The following VEGFB variants were observed in gnomAD, a reference collection of about 807,000 sequenced individuals.
VEGFB encodes the protein vascular endothelial growth factor B.
In VEGFB, 24 loss-of-function variants were observed where a neutral mutation model predicts 22.5. That is an observed-to-expected ratio of 1.07 (90% CI 0.77 to 1.50). VEGFB has a LOEUF of 1.50. VEGFB is among the 40% of genes most tolerant of loss of function. The pLI is 0.00. For missense variants in VEGFB, 327 were observed against 287.8 expected (o/e 1.14, Z -0.99); for synonymous variants, 141 against 117.4 (o/e 1.20, Z -1.30).
At chr11:64,236,622 C>T (rs1281149865) in intron 4 of VEGFB, among the ~76,000 whole-genome samples, 4 of 145,936 alleles carry the variant, frequency 2.7e-5, no homozygotes, top group African/African-American at 2.5e-5. Context: ...GAGGCTGAGG[C>T]AGGAGAATGG....
intron 5 of VEGFB, 59 bp downstream of exon 5, chr11:64,237,281 C>T (rs2030169117): frequency 6.5e-7 from 1 of 1,547,490 alleles, no homozygotes; most frequent in Non-Finnish European, 8.9e-7. Context: ...AGTCCAGAAG[C>T]TGTTGCTCCT....
chr11:64,236,786 T>C (rs1459755843), intron 4 of VEGFB, among the ~76,000 whole-genome samples: 2 of 129,258 alleles, frequency 1.5e-5, no homozygotes, highest in South Asian at 2.4e-4. Flanking sequence ...GGCAACAAAG[T>C]AGGATGCTTG....
At chr11:64,235,025 G>C (rs1947231812) in intron 1 of VEGFB, 132 bp downstream of exon 1, 1 of 730,488 alleles carries the variant, frequency 1.4e-6, no homozygotes, top group Non-Finnish European at 1.9e-6. Flanking sequence ...GCGTCTCGGG[G>C]GCCCGGCGCG....
Position 64,237,181 on chromosome 11 carries a change from TTTCAGACC to T in VEGFB, c.375-4_378del. The T allele has an allele frequency of 6.2e-7, 1 of 1,603,748 alleles. No homozygotes were observed. The highest frequency in any genetic ancestry group is 2.2e-5 in the East Asian group (1 of 44,584). Reference sequence around the variant, plus strand: ...TTTGTCTGTGTCTGTCTATCTTACTTTTCAGACCTAAAAAAAAGGACAGTGCTGTGAAG... The same window carrying T: ...TTTGTCTGTGTCTGTCTATCTTACTTTAAAAAAAAGGACAGTGCTGTGAAG... On this transcript the variant is annotated splice_acceptor_variant and splice_polypyrimidine_tract_variant and coding_sequence_variant and intron_variant, in exon 5 of 7. Coordinates refer to ENST00000309422, the MANE Select transcript of VEGFB (RefSeq NM_003377.5). LOFTEE classifies it high-confidence loss of function.
At chr11:64,237,776 G>T in intron 6 of VEGFB, 121 bp downstream of exon 6, 1 of 940,642 alleles carries the variant, frequency 1.1e-6, no homozygotes. Context: ...TGAATGTGTT[G>T]AACAAATATT....
At chr11:64,236,350 G>A (rs2030018976) in intron 4 of VEGFB, 23 bp downstream of exon 4, 1 of 1,611,908 alleles carries the variant, frequency 6.2e-7, no homozygotes, top group Non-Finnish European at 8.5e-7. Context: ...CCCAACTTCT[G>A]AGCTCGCAGA....
chr11:64,237,250 G>A, intron 5 of VEGFB, 28 bp downstream of exon 5: 2 of 1,600,516 alleles, frequency 1.2e-6, no homozygotes, highest in East Asian at 2.2e-5. Flanking sequence ...CAGCTGAGTA[G>A]GGGTATGGGG....
At position 64,236,039 on chromosome 11, in the gene VEGFB, G is replaced by T. The variant is rs749579977; in HGVS notation, c.300+30G>T. On this transcript the variant is annotated intron_variant, in intron 3 of 6. Transcript: ENST00000309422. Reference sequence around the variant, plus strand: ...TGGGCAGGTGGGGCAACGGGCAGGGGATGCAGGTACTGGGCAGGTGGGGCA... The same window carrying T: ...TGGGCAGGTGGGGCAACGGGCAGGGTATGCAGGTACTGGGCAGGTGGGGCA... The T allele has an allele frequency of 5.1e-6, 8 of 1,561,014 alleles. No homozygotes were observed. The East Asian group carries it at 1.7e-4, about 33-fold the overall frequency.
At chr11:64,235,405 G>A in intron 1 of VEGFB, 53 bp from the exon 2 acceptor site, 3 of 1,569,982 alleles carry the variant, frequency 1.9e-6, no homozygotes, top group African/African-American at 1.4e-5. Flanking sequence ...GACGGTGACA[G>A]GGCCACACCC....
intron 4 of VEGFB, 48 bp downstream of exon 4, chr11:64,236,375 G>C (rs1034413857): frequency 1.3e-6 from 2 of 1,581,326 alleles, no homozygotes; most frequent in East Asian, 2.2e-5. Context: ...AGGCTTGGGG[G>C]GTGCTGGGTA....
rs141977627 is a variant in VEGFB, at chr11:64,237,540, C to T, written c.531C>T (p.His177=). 5.3e-5 allele frequency: 86 copies of T among 1,609,080 alleles called. No individual in the cohort carries two copies. In the East Asian group the frequency reaches 9.4e-4, roughly 18 times the overall value. The change falls in exon 6 of 7, where the codon CAC becomes CAT. Residue 177 remains histidine (H), a synonymous_variant. Coordinates refer to ENST00000309422, the MANE Select transcript of VEGFB (RefSeq NM_003377.5). The part of the protein sequence containing the change: ...HPTPAPGPSA[H]AAPSTTSALT... ...CTCCAGCCCCAGGCCCCTCTGCCCA[C>T]GCTGCACCCAGCACCACCAGCGCCC...
At chr11:64,236,831 C>T (rs942720764) in intron 4 of VEGFB, among the ~76,000 whole-genome samples, 1 of 148,836 alleles carries the variant, frequency 6.7e-6, no homozygotes, top group East Asian at 2.0e-4. Flanking sequence ...ATAATCCCAG[C>T]ACTTTGGGAG....
rs2135011998 is a variant in VEGFB at position 64,234,608 on chromosome 11, C to T, written c.-226C>T. 1 of 145,684 alleles carries T rather than the reference C, an allele frequency of 6.9e-6. No individual in the cohort carries two copies. Among genetic ancestry groups the T allele is most frequent in the East Asian group, 2.0e-4 (1 of 4,962 alleles). The allele number at this position is 145,684 out of a possible 1,614,324, so 9.0% of individuals were successfully genotyped here. On this transcript the variant is annotated 5_prime_UTR_variant, in exon 1 of 7. Coordinates refer to ENST00000309422, the MANE Select transcript of VEGFB (RefSeq NM_003377.5). This position sits in a 1 kb window ranked among gnomAD's most constrained non-coding sequence, Gnocchi z 5.3. ...CGCCGTCCCCGCCGCCGCTGCCCGC[C>T]GCCACCGGCCGCCCGCCCGCCCGGC...
Position 64,237,515 on chromosome 11 carries a change from C to G in VEGFB, c.506C>G (p.Thr169Ser), listed in dbSNP as rs764637591. ...TCCCCAGCTGACATCACCCATCCCA[C>G]TCCAGCCCCAGGCCCCTCTGCCCAC... ...APSPADITHP[T>S]PAPGPSAHAA... Residue 169 changes from threonine (T) to serine (S), a missense_variant, in exon 6 of 7, where the codon ACT becomes AGT. Thr to Ser is a moderately conservative substitution (Grantham distance 58). Coordinates refer to ENST00000309422, the MANE Select transcript of VEGFB (RefSeq NM_003377.5). 6.2e-7 allele frequency: 1 copy of G among 1,611,928 alleles called. No homozygotes were observed. Among genetic ancestry groups the G allele is most frequent in the East Asian group, 2.2e-5 (1 of 44,878 alleles).
intron 3 of VEGFB, 70 bp from the exon 4 acceptor site, chr11:64,236,184 C>T: frequency 6.3e-7 from 1 of 1,580,344 alleles, no homozygotes; most frequent in Non-Finnish European, 8.7e-7. Flanking sequence ...GAGCTTTTCT[C>T]CCTTCAGTCT....
At position 64,236,485 on chromosome 11, in the gene VEGFB, G is replaced by T. The variant is rs193111058; in HGVS notation, c.374+158G>T. 4.7e-3 allele frequency among the ~76,000 whole-genome samples: 713 copies of T among 152,098 alleles called. 8 individuals are homozygous for T. Among genetic ancestry groups the T allele is most frequent in the African/African-American group, 0.017 (686 of 41,490 alleles). On this transcript the variant is annotated intron_variant, in intron 4 of 6. Transcript: ENST00000309422. Reference sequence around the variant, plus strand: ...AATCCCAGCACTTTGGGAGGCCGAGGCGGGCGGATCATGAGGTCAGGAGAT... The same window carrying T: ...AATCCCAGCACTTTGGGAGGCCGAGTCGGGCGGATCATGAGGTCAGGAGAT...
Position 64,237,409 on chromosome 11 carries a change from C to T in VEGFB, c.411-11C>T, listed in dbSNP as rs777665428. Reference sequence around the variant, plus strand: ...CCTTCCCACCCCAGACATGTCGCTTCTCCTCCCTAGGGCTGCCACTCCCCA... The same window carrying T: ...CCTTCCCACCCCAGACATGTCGCTTTTCCTCCCTAGGGCTGCCACTCCCCA... On this transcript the variant is annotated splice_polypyrimidine_tract_variant and intron_variant, in intron 5 of 6. Transcript: ENST00000309422. 1.5e-5 allele frequency: 24 copies of T among 1,578,838 alleles called. 1 individual carries two copies. The South Asian group carries it at 2.5e-4, about 16-fold the overall frequency.
At chr11:64,235,348 T>C (rs1204804422) in intron 1 of VEGFB, 110 bp from the exon 2 acceptor site, 12 of 1,021,898 alleles carry the variant, frequency 1.2e-5, no homozygotes, top group South Asian at 6.7e-5. Flanking sequence ...TCTGGAAAGA[T>C]GTCAGAGAGG....
intron 4 of VEGFB, chr11:64,236,984 G>C: frequency 2.5e-6 from 1 of 406,708 alleles, no homozygotes; most frequent in East Asian, 4.5e-5. Context: ...TTGGGAGGCT[G>C]AGACAAGAGA....
Sources: gnomAD v4.1 joint callset for allele counts (sites outside exome capture counted in the v4.1 genomes callset) on GRCh38, gnomAD v4.1.1 for gene constraint, Gnocchi (gnomAD v3.1) non-coding constraint, MANE v1.5 for transcripts, NCBI Gene and HGNC (gene_info 2026-07-23, HGNC 2026-07-21) for gene names.